The following BABAM2 variants were observed in gnomAD, a reference collection of about 807,000 sequenced individuals.
The protein encoded by BABAM2 is BRISC and BRCA1-A complex member 2.
A neutral mutation model predicts 54.7 loss-of-function variants in BABAM2; 31 were observed. The ratio of observed to expected loss-of-function variants is 0.57; its 90% confidence interval spans 0.43 to 0.77. BABAM2 has a LOEUF of 0.77. Ranked by LOEUF, BABAM2 falls within the 30% of genes least tolerant of loss-of-function variation. The pLI is 0.00. For missense variants in BABAM2, 364 were observed against 455.8 expected (o/e 0.80, Z 1.83); for synonymous variants, 167 against 162.9 (o/e 1.03, Z -0.19).
At chr2:28,191,689 C>G (rs1430842520) in intron 7 of BABAM2, among the ~76,000 whole-genome samples, 3 of 152,098 alleles carry the variant, frequency 2.0e-5, no homozygotes, top group Admixed American at 2.0e-4. Flanking sequence ...TATAAGTATA[C>G]ATTTATATAA....
intron 10 of BABAM2, among the ~76,000 whole-genome samples, chr2:28,291,728 G>A (rs560011504): frequency 6.6e-6 from 1 of 152,358 alleles, no homozygotes; most frequent in South Asian, 2.1e-4. Context: ...AAGAAAGGTA[G>A]TGATAATAAA....
At chr2:28,258,101 C>A (rs1418877447) in intron 10 of BABAM2, among the ~76,000 whole-genome samples, 1 of 152,082 alleles carries the variant, frequency 6.6e-6, no homozygotes, top group Non-Finnish European at 1.5e-5. Context: ...CGCTTGAACC[C>A]AGGAGGTGGA....
At chr2:28,101,973 G>C (rs1217816654) in intron 6 of BABAM2, among the ~76,000 whole-genome samples, 1 of 152,134 alleles carries the variant, frequency 6.6e-6, no homozygotes, top group East Asian at 1.9e-4. Context: ...GTAGCTCTCT[G>C]TAGTTGCTAG....
chr2:28,219,286 G>A (rs935536083), intron 7 of BABAM2, among the ~76,000 whole-genome samples: 1 of 152,192 alleles, frequency 6.6e-6, no homozygotes, highest in African/African-American at 2.4e-5. Context: ...TCCTTATTTG[G>A]CTCATAGCCC....
intron 7 of BABAM2, among the ~76,000 whole-genome samples, chr2:28,227,626 C>T (rs545973587): frequency 8.5e-5 from 13 of 152,282 alleles, no homozygotes; most frequent in African/African-American, 2.9e-4. Flanking sequence ...CTGTGTTTTC[C>T]TTACCTTCCT....
intron 3 of BABAM2, among the ~76,000 whole-genome samples, chr2:27,967,742 G>A (rs750219164): frequency 1.3e-5 from 2 of 152,130 alleles, no homozygotes; most frequent in African/African-American, 2.4e-5. Context: ...AAGCTGAGGT[G>A]GTTTCAGATG....
chr2:28,287,131 T>C (rs1467550717), intron 10 of BABAM2, among the ~76,000 whole-genome samples: 2 of 152,240 alleles, frequency 1.3e-5, no homozygotes, highest in Admixed American at 6.5e-5. Flanking sequence ...TTTCTTCTAA[T>C]CATTTACATT....
intron 7 of BABAM2, among the ~76,000 whole-genome samples, chr2:28,148,802 C>G (rs963088402): frequency 2.6e-5 from 4 of 152,226 alleles, no homozygotes; most frequent in African/African-American, 9.6e-5. Context: ...TTATGAAACC[C>G]AGTCCACATC....
intron 10 of BABAM2, among the ~76,000 whole-genome samples, chr2:28,261,198 T>C (rs1011442041): frequency 6.6e-6 from 1 of 152,206 alleles, no homozygotes; most frequent in Non-Finnish European, 1.5e-5. Flanking sequence ...CACCTCAGTC[T>C]CTTAAAGTGC....
At chr2:28,278,403 T>C (rs887034781) in intron 10 of BABAM2, among the ~76,000 whole-genome samples, 1 of 152,134 alleles carries the variant, frequency 6.6e-6, no homozygotes, top group Non-Finnish European at 1.5e-5. Flanking sequence ...CTAGAAATAC[T>C]TCAGAGTAGA....
chr2:27,906,999 T>G (rs1256789266), intron 2 of BABAM2, among the ~76,000 whole-genome samples: 3 of 152,206 alleles, frequency 2.0e-5, no homozygotes, highest in Admixed American at 2.0e-4. Flanking sequence ...GGCTCCAAAT[T>G]AATTATTCTT....
intron 7 of BABAM2, among the ~76,000 whole-genome samples, chr2:28,219,825 C>T (rs974165147): frequency 1.3e-5 from 2 of 152,120 alleles, no homozygotes; most frequent in Non-Finnish European, 2.9e-5. Context: ...TGAGCCGCTG[C>T]GGAGCCAAGC....
intron 6 of BABAM2, among the ~76,000 whole-genome samples, chr2:28,083,934 A>G (rs564285605): frequency 8.5e-5 from 13 of 152,338 alleles, no homozygotes; most frequent in African/African-American, 2.6e-4. Flanking sequence ...CTTTCTGTGA[A>G]TTAATAATGA....
chr2:27,977,674 A>C (rs1281063347), intron 3 of BABAM2, among the ~76,000 whole-genome samples: 3 of 152,202 alleles, frequency 2.0e-5, no homozygotes, highest in Non-Finnish European at 4.4e-5. Context: ...ACACACCTAG[A>C]ATCTTATCTT....
At chr2:27,925,642 T>C (rs1667638002) in intron 2 of BABAM2, among the ~76,000 whole-genome samples, 1 of 152,158 alleles carries the variant, frequency 6.6e-6, no homozygotes. Context: ...TGTAGCGATG[T>C]CTTTCCTTAA....
At chr2:28,053,210 A>G (rs928877208) in intron 6 of BABAM2, among the ~76,000 whole-genome samples, 1 of 152,236 alleles carries the variant, frequency 6.6e-6, no homozygotes, top group East Asian at 1.9e-4. Context: ...CACAGATTAA[A>G]TAACTCCTCT....
chr2:28,006,419 TA>T (rs1382768357), intron 4 of BABAM2, among the ~76,000 whole-genome samples: 3 of 152,090 alleles, frequency 2.0e-5, no homozygotes, highest in African/African-American at 7.2e-5. Flanking sequence ...AGATTTTATT[TA>T]GATAATTGTA....
At chr2:28,018,325 C>A (rs1055060553) in intron 4 of BABAM2, among the ~76,000 whole-genome samples, 4 of 152,164 alleles carry the variant, frequency 2.6e-5, no homozygotes, top group Non-Finnish European at 4.4e-5. Flanking sequence ...CAGGTTGTTG[C>A]GAATGCCATT....
At chr2:28,094,688 T>C (rs773944635) in intron 6 of BABAM2, among the ~76,000 whole-genome samples, 1 of 152,134 alleles carries the variant, frequency 6.6e-6, no homozygotes, top group Non-Finnish European at 1.5e-5. Flanking sequence ...TCCCATGTCT[T>C]TCTACTCCAT....
Sources: gnomAD v4.1 joint callset for allele counts (sites outside exome capture counted in the v4.1 genomes callset) on GRCh38, gnomAD v4.1.1 for gene constraint, MANE v1.5 for transcripts, NCBI Gene and HGNC (gene_info 2026-07-23, HGNC 2026-07-21) for gene names.